Variants in CPQ observed in about 807,000 individuals in gnomAD.
CPQ encodes the protein Ser-Met dipeptidase.
Under a neutral mutation model 45.7 loss-of-function variants are expected in CPQ, and 37 were observed. That is an observed-to-expected ratio of 0.81 (90% CI 0.62 to 1.07). The LOEUF (loss-of-function observed/expected upper bound fraction) is 1.07. Among genes scored for constraint, CPQ ranks in the 50% least tolerant of loss-of-function variants. The pLI is 0.00. For synonymous variants in CPQ, 186 were observed against 205.8 expected, an observed-to-expected ratio of 0.90 and a Z score of 0.82; for missense variants, 537 against 572.9, an observed-to-expected ratio of 0.94 and a Z score of 0.64.
At chr8:96,972,585 C>G (rs1394927716) in intron 5 of CPQ, among the ~76,000 whole-genome samples, 2 of 152,190 alleles carry the variant, frequency 1.3e-5, no homozygotes, top group Non-Finnish European at 1.5e-5. Flanking sequence ...AACACAAAAC[C>G]AACACTCTAA....
intron 5 of CPQ, among the ~76,000 whole-genome samples, chr8:96,978,590 C>T (rs1404842043): frequency 6.6e-6 from 1 of 152,184 alleles, no homozygotes; most frequent in East Asian, 1.9e-4. Flanking sequence ...CAGATGAATG[C>T]TATGAGAGGG....
chr8:96,673,916 AAG>A (rs1809037985), intron 1 of CPQ, among the ~76,000 whole-genome samples: 2 of 151,424 alleles, frequency 1.3e-5, no homozygotes, highest in African/African-American at 2.5e-5. Flanking sequence ...GTGGTTAGAA[AAG>A]AGAAATGAAA....
chr8:96,991,592 A>G (rs1444101893), intron 5 of CPQ, among the ~76,000 whole-genome samples: 1 of 114,844 alleles, frequency 8.7e-6, no homozygotes, highest in Non-Finnish European at 1.9e-5. Context: ...TAATAATAAT[A>G]ATAATAATAA....
At chr8:96,983,502 A>G (rs1225626480) in intron 5 of CPQ, among the ~76,000 whole-genome samples, 1 of 152,138 alleles carries the variant, frequency 6.6e-6, no homozygotes, top group African/African-American at 2.4e-5. Flanking sequence ...TTACTGGTCA[A>G]TATTTTTTTA....
chr8:96,852,186 C>T (rs1023414780), intron 3 of CPQ, among the ~76,000 whole-genome samples: 1 of 152,256 alleles, frequency 6.6e-6, no homozygotes, highest in African/African-American at 2.4e-5. Flanking sequence ...CACTCCTCCA[C>T]TTGCCCTTGC....
At chr8:96,919,235 A>C (rs1812775372) in intron 4 of CPQ, among the ~76,000 whole-genome samples, 1 of 152,088 alleles carries the variant, frequency 6.6e-6, no homozygotes. Context: ...GTATGACCAC[A>C]CTAAACTCAG....
At chr8:96,657,364 G>C (rs901694827) in intron 1 of CPQ, among the ~76,000 whole-genome samples, 10 of 152,122 alleles carry the variant, frequency 6.6e-5, no homozygotes, top group Admixed American at 2.6e-4. Flanking sequence ...TCCTCTCTCT[G>C]TGTGTCACCA....
chr8:97,137,300 C>T (rs995305577), intron 7 of CPQ, among the ~76,000 whole-genome samples: 12 of 152,116 alleles, frequency 7.9e-5, no homozygotes, highest in Non-Finnish European at 1.5e-4. Context: ...ACCACCATGC[C>T]GTGTCTTTAA....
intron 5 of CPQ, among the ~76,000 whole-genome samples, chr8:97,022,420 A>G (rs75508993): frequency 1.0e-3 from 155 of 152,360 alleles, no homozygotes; most frequent in African/African-American, 3.6e-3. Context: ...GCGTGGCAAA[A>G]GGAACAGTCA....
chr8:96,955,989 A>G (rs574416354), intron 4 of CPQ, among the ~76,000 whole-genome samples: 1 of 152,312 alleles, frequency 6.6e-6, no homozygotes, highest in African/African-American at 2.4e-5. Context: ...CTAAAACACC[A>G]AAAGCAATGG....
rs533008230 is a variant in CPQ at position 96,870,165 on chromosome 8, T to G, written c.642-9633T>G. Among the ~76,000 whole-genome samples, 3 of 120,396 alleles carry G rather than the reference T, an allele frequency of 2.5e-5. No individual in the cohort carries two copies. The South Asian group carries it at 7.1e-4, about 29-fold the overall frequency. The allele number at this position is 120,396 out of a possible 152,430, so 79.0% of individuals were successfully genotyped here. A position where few individuals can be genotyped will look rare whatever the true frequency, so the allele number is the denominator to read the frequency against. ...GGCACAGTACAGTGCTTTATATATA[T>G]ATTTTTTTGGTATGATTATCAGAAG... On this transcript the variant is annotated intron_variant, in intron 3 of 7. Coordinates refer to ENST00000220763, the MANE Select transcript of CPQ (RefSeq NM_016134.4).
intron 7 of CPQ, among the ~76,000 whole-genome samples, chr8:97,122,932 A>AAAATAAAAT (rs1811741096): frequency 1.1e-4 from 4 of 37,762 alleles, no homozygotes; most frequent in African/African-American, 6.7e-4. Flanking sequence ...TAAAATAAAT[A>AAAATAAAAT]AAATAAAATA....
chr8:96,958,214 G>A (rs1244852290), intron 4 of CPQ, among the ~76,000 whole-genome samples: 1 of 152,064 alleles, frequency 6.6e-6, no homozygotes, highest in East Asian at 1.9e-4. Context: ...ATAGTTGTAA[G>A]GAATGAGAAG....
chr8:96,763,801 G>A (rs1017334265), intron 1 of CPQ, among the ~76,000 whole-genome samples: 2 of 152,118 alleles, frequency 1.3e-5, no homozygotes, highest in Non-Finnish European at 2.9e-5. Flanking sequence ...AACATTATTA[G>A]TCATTAGAGA....
chr8:96,852,772 C>T (rs1811788197), intron 3 of CPQ, among the ~76,000 whole-genome samples: 1 of 152,108 alleles, frequency 6.6e-6, no homozygotes, highest in Admixed American at 6.5e-5. Context: ...AAATTCTTAT[C>T]GGGCTCCCAG....
chr8:96,853,530 C>T (rs1489262734), intron 3 of CPQ, among the ~76,000 whole-genome samples: 2 of 151,368 alleles, frequency 1.3e-5, no homozygotes, highest in African/African-American at 4.9e-5. Flanking sequence ...TTTAGGTACA[C>T]AAACAAAGCA....
intron 1 of CPQ, among the ~76,000 whole-genome samples, chr8:96,685,663 C>T (rs568088512): frequency 1.3e-5 from 2 of 152,172 alleles, no homozygotes; most frequent in South Asian, 4.1e-4. Flanking sequence ...CATTGCTAAT[C>T]CCGATCATTT....
chr8:96,980,993 A>G (rs969937551), intron 5 of CPQ, among the ~76,000 whole-genome samples: 4 of 152,208 alleles, frequency 2.6e-5, no homozygotes, highest in Admixed American at 6.5e-5. Flanking sequence ...AAAATTTATA[A>G]TATTCCTGAG....
At position 97,001,602 on chromosome 8, in the gene CPQ, T is replaced by C. The variant is rs545986684; in HGVS notation, c.962-27801T>C. Among the ~76,000 whole-genome samples, 7 of 152,276 alleles carry C rather than the reference T, an allele frequency of 4.6e-5. No individual in the cohort carries two copies. The East Asian group carries it at 1.3e-3, about 29-fold the overall frequency. ...CATCTTGGGGTTGAAGCCTACTTGATTGTGGTGGATAAACTTTTTGACGTG... is the reference window on the plus strand; with the variant it reads ...CATCTTGGGGTTGAAGCCTACTTGACTGTGGTGGATAAACTTTTTGACGTG... On this transcript the variant is annotated intron_variant, in intron 5 of 7. Coordinates refer to ENST00000220763, the MANE Select transcript of CPQ (RefSeq NM_016134.4).
Sources: allele counts gnomAD v4.1 joint callset (sites outside exome capture counted in the v4.1 genomes callset), GRCh38; gene constraint gnomAD v4.1.1; transcripts MANE v1.5; gene names NCBI Gene and HGNC (gene_info 2026-07-23, HGNC 2026-07-21).